Variants in KCNQ1 observed in about 807,000 individuals in gnomAD.
KCNQ1 encodes the protein potassium voltage-gated channel subfamily KQT member 1.
A neutral mutation model predicts 72.4 loss-of-function variants in KCNQ1; 49 were observed. That is an observed-to-expected ratio of 0.68 (90% CI 0.54 to 0.86). The LOEUF (loss-of-function observed/expected upper bound fraction) is 0.86. Among genes scored for constraint, KCNQ1 ranks in the 40% least tolerant of loss-of-function variants. The pLI is 0.00. For missense variants in KCNQ1, 790 were observed against 945.1 expected (o/e 0.84, Z 2.15); for synonymous variants, 450 against 412.6 (o/e 1.09, Z -1.10).
intron 11 of KCNQ1, among the ~76,000 whole-genome samples, chr11:2,702,975 G>C (rs945037654): frequency 6.6e-6 from 1 of 152,180 alleles, no homozygotes; most frequent in South Asian, 2.1e-4. Context: ...CTAGTCCTTT[G>C]GGGGAAGAGT....
rs1849889119 is a variant in KCNQ1 at position 2,658,380 on chromosome 11, T to C, written c.1394-3581T>C. 1 of 398,582 alleles carries C rather than the reference T, an allele frequency of 2.5e-6. No individual in the cohort carries two copies. The highest frequency in any genetic ancestry group is 3.6e-5 in the East Asian group (1 of 28,084). 24.7% of individuals were successfully genotyped at this position (398,582 alleles called of 1,614,324 possible). A position where few individuals can be genotyped will look rare whatever the true frequency, so the allele number is the denominator to read the frequency against. The stretch of plus-strand genomic sequence containing the variant: ...GATTTGGGAGTATTTATTTTTTGAG[T>C]TATAGTCCAATATTATTTATTTTGT... On this transcript the variant is annotated intron_variant, in intron 10 of 15. Coordinates refer to ENST00000155840, the MANE Select transcript of KCNQ1 (RefSeq NM_000218.3). The surrounding 1 kb of genome is among the most constrained non-coding windows in gnomAD (Gnocchi z 4.9).
rs546706578 is a variant in KCNQ1 at position 2,564,487 on chromosome 11, CAG to C, written c.478-6140_478-6139del. On this transcript the variant is annotated intron_variant, in intron 2 of 15. Coordinates refer to ENST00000155840, the MANE Select transcript of KCNQ1 (RefSeq NM_000218.3). This position sits in a 1 kb window ranked among gnomAD's most constrained non-coding sequence, Gnocchi z 4.5. ...GGTGGGTGCCTCTAATCCAGCTACT[CAG>C]GGGGCTGAGGCAGGAGAATCACTTG... 9.2e-5 allele frequency among the ~76,000 whole-genome samples: 14 copies of C among 152,256 alleles called. No homozygotes were observed. Among genetic ancestry groups the C allele is most frequent in the African/African-American group, 3.4e-4 (14 of 41,546 alleles).
chr11:2,648,742 A>T (rs1849706344), intron 10 of KCNQ1: 1 of 398,406 alleles, frequency 2.5e-6, no homozygotes, highest in African/African-American at 2.1e-5. Context: ...CAGCAGTTCA[A>T]ATCTAATATT....
At chr11:2,512,536 A>G (rs1847227312) in intron 1 of KCNQ1, among the ~76,000 whole-genome samples, 1 of 152,200 alleles carries the variant, frequency 6.6e-6, no homozygotes, top group African/African-American at 2.4e-5. Flanking sequence ...CCATGACCGC[A>G]TGGGGCCAGC....
Position 2,621,329 on chromosome 11 carries a change from G to T in KCNQ1, c.1393+32475G>T. 2.5e-6 allele frequency: 1 copy of T among 398,314 alleles called. No individual in the cohort carries two copies. The highest frequency in any genetic ancestry group is 1.3e-4 in the South Asian group (1 of 7,844). 24.7% of individuals were successfully genotyped at this position (398,314 alleles called of 1,614,324 possible). ...TGATCATGAGAATGTTTTTTTGTTT[G>T]GCTACTTCTGTATTTTCTTTTAAGA... On this transcript the variant is annotated intron_variant, in intron 10 of 15. Transcript: ENST00000155840. The surrounding 1 kb of genome is among the most constrained non-coding windows in gnomAD (Gnocchi z 5.7).
At position 2,464,661 on chromosome 11, in the gene KCNQ1, GCAGATTC is replaced by G. The variant is rs1054074906; in HGVS notation, c.386+19181_386+19187del. 5.6e-4 allele frequency among the ~76,000 whole-genome samples: 86 copies of G among 152,270 alleles called. No homozygotes were observed. The highest frequency in any genetic ancestry group is 1.8e-3 in the African/African-American group (74 of 41,560). ...GGGGGGTGGGCAGTGCCTCTGTGTGGCAGATTCCAGCTTCTCTCAGGGGCCAGGATTA... is the reference window on the plus strand; with the variant it reads ...GGGGGGTGGGCAGTGCCTCTGTGTGGCAGCTTCTCTCAGGGGCCAGGATTA... On this transcript the variant is annotated intron_variant, in intron 1 of 15. Transcript: ENST00000155840. The surrounding 1 kb of genome is among the most constrained non-coding windows in gnomAD (Gnocchi z 5.0).
intron 15 of KCNQ1, among the ~76,000 whole-genome samples, chr11:2,843,653 G>A (rs1590126530): frequency 1.3e-5 from 2 of 152,260 alleles, no homozygotes; most frequent in East Asian, 3.8e-4. Context: ...TCAAGGCCGG[G>A]CAGGTTCTGC....
At chr11:2,632,970 T>G (rs1008921399) in intron 10 of KCNQ1, 2 of 398,396 alleles carry the variant, frequency 5.0e-6, no homozygotes, top group Non-Finnish European at 8.8e-6. Context: ...TAGTCTACTT[T>G]TAGTTTTTTT....
rs1849078456 is a variant in KCNQ1, at chr11:2,617,053, A to G, written c.1393+28199A>G. The stretch of plus-strand genomic sequence containing the variant: ...CATAGTGATGCAAATTAATATGTCC[A>G]TCATCTCACAGTTATTCTTTTGTGT... On this transcript the variant is annotated intron_variant, in intron 10 of 15. Coordinates refer to ENST00000155840, the MANE Select transcript of KCNQ1 (RefSeq NM_000218.3). This position sits in a 1 kb window ranked among gnomAD's most constrained non-coding sequence, Gnocchi z 4.6. 3 of 398,070 alleles carry G rather than the reference A, an allele frequency of 7.5e-6. No individual in the cohort carries two copies. The highest frequency in any genetic ancestry group is 1.3e-5 in the Non-Finnish European group (3 of 225,830). 24.7% of individuals were successfully genotyped at this position (398,070 alleles called of 1,614,324 possible). A position where few individuals can be genotyped will look rare whatever the true frequency, so the allele number is the denominator to read the frequency against.
At chr11:2,518,855 T>C (rs1451270206) in intron 1 of KCNQ1, among the ~76,000 whole-genome samples, 1 of 152,134 alleles carries the variant, frequency 6.6e-6, no homozygotes, top group Non-Finnish European at 1.5e-5. Context: ...GCGTGAGGCA[T>C]GGGGTGGCCA....
chr11:2,760,827 C>G (rs1400850462), intron 11 of KCNQ1, among the ~76,000 whole-genome samples: 1 of 152,196 alleles, frequency 6.6e-6, no homozygotes, highest in Non-Finnish European at 1.5e-5. Context: ...TCTTCAGTGC[C>G]CCACTACTCA....
rs1035331090 is a variant in KCNQ1, at chr11:2,658,224, G to A, written c.1394-3737G>A. 15 of 398,416 alleles carry A rather than the reference G, an allele frequency of 3.8e-5. No individual in the cohort carries two copies. Among genetic ancestry groups the A allele is most frequent in the Admixed American group, 8.8e-5 (2 of 22,698 alleles). 24.7% of individuals were successfully genotyped at this position (398,416 alleles called of 1,614,324 possible). A position where few individuals can be genotyped will look rare whatever the true frequency, so the allele number is the denominator to read the frequency against. ...TAATTTCAGCATTCATTCATGGATC[G>A]TTTTCCTGCAGCAAATATTACCGTG... On this transcript the variant is annotated intron_variant, in intron 10 of 15. Transcript: ENST00000155840. This position sits in a 1 kb window ranked among gnomAD's most constrained non-coding sequence, Gnocchi z 4.9.
intron 11 of KCNQ1, chr11:2,672,104 G>A: frequency 2.5e-6 from 1 of 398,724 alleles, no homozygotes; most frequent in Non-Finnish European, 4.4e-6. Flanking sequence ...TCTGCCCACA[G>A]GGGACCTTTC....
At chr11:2,744,343 C>T (rs901584227) in intron 11 of KCNQ1, among the ~76,000 whole-genome samples, 3 of 152,214 alleles carry the variant, frequency 2.0e-5, no homozygotes, top group African/African-American at 4.8e-5. Flanking sequence ...ACTGGCTGCA[C>T]CAGCTTGTGT....
At chr11:2,502,031 A>G (rs1239277258) in intron 1 of KCNQ1, among the ~76,000 whole-genome samples, 1 of 152,248 alleles carries the variant, frequency 6.6e-6, no homozygotes, top group East Asian at 1.9e-4. Context: ...ACCTAGGTAT[A>G]GAAGGAACAT....
rs142771438 is a variant in KCNQ1, at chr11:2,768,962, G to A, written c.1590+43G>A. ...CCTTCCTGCCCTCAGCCTGCCCCTCGCAGCCTGATGCAGCTGCCCACACCT... is the reference window on the plus strand; with the variant it reads ...CCTTCCTGCCCTCAGCCTGCCCCTCACAGCCTGATGCAGCTGCCCACACCT... On this transcript the variant is annotated intron_variant, in intron 12 of 15. Transcript: ENST00000155840. This position sits in a 1 kb window ranked among gnomAD's most constrained non-coding sequence, Gnocchi z 6.7. 1.0e-4 allele frequency: 145 copies of A among 1,449,818 alleles called. No homozygotes were observed. The highest frequency in any genetic ancestry group is 3.5e-4 in the African/African-American group (25 of 71,848). 89.8% of individuals were successfully genotyped at this position (1,449,818 alleles called of 1,614,324 possible). A position where few individuals can be genotyped will look rare whatever the true frequency, so the allele number is the denominator to read the frequency against.
At chr11:2,662,380 C>T (rs1590015493) in intron 11 of KCNQ1, 1 of 533,234 alleles carries the variant, frequency 1.9e-6, no homozygotes, top group Non-Finnish European at 3.3e-6. Flanking sequence ...CTCCCCCAGC[C>T]CCCTCCCCTG....
intron 15 of KCNQ1, among the ~76,000 whole-genome samples, chr11:2,841,856 GTCTT>G (rs910974946): frequency 1.4e-4 from 21 of 152,182 alleles, no homozygotes; most frequent in African/African-American, 4.6e-4. Context: ...AGGGGGAAGG[GTCTT>G]TCTTTCACCA....
chr11:2,703,947 G>A lies in KCNQ1; in HGVS notation c.1514+41866G>A, dbSNP rs1590043205. On this transcript the variant is annotated intron_variant, in intron 11 of 15. Transcript: ENST00000155840. The surrounding 1 kb of genome is among the most constrained non-coding windows in gnomAD (Gnocchi z 6.4). ...CATCTGAAGAAAGGCCCCACCCCAC[G>A]CTGCTCTCAGGAGTGGACAGGAACG... Among the ~76,000 whole-genome samples the A allele has an allele frequency of 6.6e-6, 1 of 152,144 alleles. No individual in the cohort carries two copies. Among genetic ancestry groups the A allele is most frequent in the African/African-American group, 2.4e-5 (1 of 41,440 alleles).
Sources: allele counts gnomAD v4.1 joint callset (sites outside exome capture counted in the v4.1 genomes callset), GRCh38; gene constraint gnomAD v4.1.1; non-coding constraint Gnocchi (gnomAD v3.1); transcripts MANE v1.5; gene names NCBI Gene and HGNC (gene_info 2026-07-23, HGNC 2026-07-21).